Variants in PELI2 observed in about 807,000 individuals in gnomAD.
The protein encoded by PELI2 is pellino E3 ubiquitin protein ligase family member 2.
In PELI2, 23 loss-of-function variants were observed where a neutral mutation model predicts 42.3. That is an observed-to-expected ratio of 0.54 (90% confidence interval 0.39 to 0.77). PELI2 has a LOEUF of 0.77. PELI2 is among the 30% of genes least tolerant of loss of function. PELI2 has a pLI of 0.00. For missense variants in PELI2, 463 were observed against 553.2 expected, an observed-to-expected ratio of 0.84 and a Z score of 1.64; for synonymous variants, 245 against 212.2, an observed-to-expected ratio of 1.15 and a Z score of -1.34.
intron 2 of PELI2, among the ~76,000 whole-genome samples, chr14:56,238,850 T>C (rs1221759487): frequency 6.6e-6 from 1 of 152,156 alleles, no homozygotes; most frequent in Non-Finnish European, 1.5e-5. Context: ...AAGGTTCACA[T>C]GAAGGGATTT....
rs116112955 is a variant in PELI2, at chr14:56,241,851, G to A, written c.208-37825G>A. ...ACTTAGCCCAACAGTCAAGTACAAC[G>A]GTGGAACTAAGACATTTTAGATCCA... On this transcript the variant is annotated intron_variant, in intron 2 of 5. Transcript: ENST00000267460. 7.1e-3 allele frequency among the ~76,000 whole-genome samples: 1,082 copies of A among 152,246 alleles called. 19 individuals are homozygous for A. Among genetic ancestry groups the A allele is most frequent in the African/African-American group, 0.025 (1,039 of 41,548 alleles).
At chr14:56,153,391 C>G (rs1015809495) in intron 1 of PELI2, among the ~76,000 whole-genome samples, 1 of 152,038 alleles carries the variant, frequency 6.6e-6, no homozygotes, top group Admixed American at 6.5e-5. Context: ...AGCTTACTAC[C>G]CTGTTCAGCT....
At chr14:56,221,932 A>G (rs1887147583) in intron 2 of PELI2, among the ~76,000 whole-genome samples, 1 of 152,204 alleles carries the variant, frequency 6.6e-6, no homozygotes, top group Non-Finnish European at 1.5e-5. Context: ...AACTCCATGA[A>G]GTTTAGCTTC....
intron 2 of PELI2, among the ~76,000 whole-genome samples, chr14:56,215,375 C>T (rs540163219): frequency 1.2e-4 from 18 of 152,182 alleles, no homozygotes; most frequent in African/African-American, 2.9e-4. Context: ...GAAAGCCCGC[C>T]GGGGGAGCAT....
At chr14:56,118,822 T>TCCCCAAAGAGCACCGA in intron 1 of PELI2, 85 bp downstream of exon 1, 2 of 917,448 alleles carry the variant, frequency 2.2e-6, no homozygotes, top group Non-Finnish European at 3.1e-6. Context: ...GGTGGCTCGG[T>TCCCCAAAGAGCACCGA]GCTCTTTGGG....
intron 2 of PELI2, among the ~76,000 whole-genome samples, chr14:56,182,535 T>G (rs765351262): frequency 6.0e-4 from 92 of 152,344 alleles, no homozygotes; most frequent in Non-Finnish European, 1.0e-4. Context: ...CTTCTCAGAT[T>G]ATGCTTTATT....
chr14:56,149,941 T>C (rs1157330901), intron 1 of PELI2, among the ~76,000 whole-genome samples: 1 of 152,194 alleles, frequency 6.6e-6, no homozygotes, highest in African/African-American at 2.4e-5. Context: ...TAACAGGTCT[T>C]GCTTCCCTCT....
At chr14:56,263,249 C>G (rs1208666574) in intron 2 of PELI2, among the ~76,000 whole-genome samples, 1 of 152,152 alleles carries the variant, frequency 6.6e-6, no homozygotes, top group Admixed American at 6.6e-5. Flanking sequence ...GCATGAGCCA[C>G]CGCACCCAAC....
In PELI2 at chr14:56,234,629, A is replaced by T. The variant is rs564824353; in HGVS notation, c.208-45047A>T. ...GTTGTGGGGAGGGGTGAGGGATAGC[A>T]TTAGGAAGTATACCTAATGTAAATG... On this transcript the variant is annotated intron_variant, in intron 2 of 5. Transcript: ENST00000267460. 1.2e-4 allele frequency among the ~76,000 whole-genome samples: 18 copies of T among 152,334 alleles called. No homozygotes were observed. In the South Asian group the frequency reaches 3.7e-3, roughly 32 times the overall value.
chr14:56,281,395 A>G (rs1000824585), intron 3 of PELI2, among the ~76,000 whole-genome samples: 18 of 152,134 alleles, frequency 1.2e-4, no homozygotes, highest in Non-Finnish European at 2.2e-4. Context: ...TGTCCACTTC[A>G]TGCTTTATTT....
intron 2 of PELI2, among the ~76,000 whole-genome samples, chr14:56,251,894 T>C (rs1443978683): frequency 6.6e-5 from 10 of 152,210 alleles, no homozygotes; most frequent in African/African-American, 2.4e-4. Flanking sequence ...CTTGGATTCT[T>C]ATCTAGATTG....
At chr14:56,126,703 G>A (rs947353121) in intron 1 of PELI2, among the ~76,000 whole-genome samples, 1 of 152,128 alleles carries the variant, frequency 6.6e-6, no homozygotes, top group African/African-American at 2.4e-5. Context: ...TGATGGGTGA[G>A]CAATTAGGCT....
intron 1 of PELI2, among the ~76,000 whole-genome samples, chr14:56,131,450 A>T (rs139256224): frequency 6.6e-6 from 1 of 152,248 alleles, no homozygotes; most frequent in Admixed American, 6.5e-5. Context: ...ATACCAAAGG[A>T]CAAATACAGC....
chr14:56,184,597 A>G (rs941917727), intron 2 of PELI2, among the ~76,000 whole-genome samples: 1 of 152,132 alleles, frequency 6.6e-6, no homozygotes, highest in African/African-American at 2.4e-5. Context: ...AGAACAATCC[A>G]ATAAATAAGG....
intron 1 of PELI2, among the ~76,000 whole-genome samples, chr14:56,126,793 C>T (rs1181695304): frequency 2.0e-5 from 3 of 152,154 alleles, no homozygotes; most frequent in Admixed American, 6.5e-5. Flanking sequence ...GGATTGTAGA[C>T]ACAAAGGAGT....
rs146625411 is a variant in PELI2, at chr14:56,191,524, G to A, written c.207+13060G>A. ...TGCTGTGGAAGGGTTGCCTGCCTGG[G>A]CACCTCAAAAGGAGAAGGGCAGCAG... On this transcript the variant is annotated intron_variant, in intron 2 of 5. Transcript: ENST00000267460. 1.5e-3 allele frequency among the ~76,000 whole-genome samples: 233 copies of A among 152,332 alleles called. 1 individual carries two copies. Among genetic ancestry groups the A allele is most frequent in the African/African-American group, 5.4e-3 (225 of 41,566 alleles).
At chr14:56,202,598 T>C (rs1429322345) in intron 2 of PELI2, among the ~76,000 whole-genome samples, 1 of 152,178 alleles carries the variant, frequency 6.6e-6, no homozygotes, top group Non-Finnish European at 1.5e-5. Flanking sequence ...TATTTGGATG[T>C]CTGTTCACAG....
intron 1 of PELI2, among the ~76,000 whole-genome samples, chr14:56,136,839 A>G (rs938401435): frequency 2.0e-5 from 3 of 151,684 alleles, no homozygotes; most frequent in African/African-American, 7.3e-5. Flanking sequence ...GCACTCTGAG[A>G]TCATTACTTT....
intron 1 of PELI2, among the ~76,000 whole-genome samples, chr14:56,173,360 C>T (rs1021591939): frequency 6.6e-6 from 1 of 152,094 alleles, no homozygotes; most frequent in Non-Finnish European, 1.5e-5. Flanking sequence ...TTGAACCAGA[C>T]TCTCTTGGGT....
Sources: allele counts gnomAD v4.1 joint callset (sites outside exome capture counted in the v4.1 genomes callset), GRCh38; gene constraint gnomAD v4.1.1; transcripts MANE v1.5; gene names NCBI Gene and HGNC (gene_info 2026-07-23, HGNC 2026-07-21).